The following DPP10 variants were observed in gnomAD, a reference collection of about 807,000 sequenced individuals.
DPP10 encodes the protein dipeptidyl peptidase like 10.
DPP10 carries 33 observed loss-of-function variants against 120.9 expected under a neutral mutation model. The observed-to-expected ratio is 0.27, with a 90% confidence interval of 0.21 to 0.37. DPP10 has a LOEUF of 0.37. Ranked by LOEUF, DPP10 falls within the 10% of genes least tolerant of loss-of-function variation. The pLI, the probability that DPP10 is intolerant of heterozygous loss-of-function variation, is 1.00. For missense variants in DPP10, 816 were observed against 942.8 expected, an observed-to-expected ratio of 0.87 and a Z score of 1.76; for synonymous variants, 337 against 326.1, an observed-to-expected ratio of 1.03 and a Z score of -0.36.
At position 114,686,802 on chromosome 2, in the gene DPP10, C is replaced by T. The variant is rs76825984; in HGVS notation, c.60+243964C>T. The stretch of plus-strand genomic sequence containing the variant: ...CAATGTACAATACATTCTTCCCATA[C>T]AAAAAATTACAAGAGTCGTTCTATT... On this transcript the variant is annotated intron_variant, in intron 1 of 25. Transcript: ENST00000410059. Among the ~76,000 whole-genome samples the T allele has an allele frequency of 6.3e-3, 950 of 151,984 alleles. 10 individuals carry two copies. Among genetic ancestry groups the T allele is most frequent in the African/African-American group, 0.022 (911 of 41,502 alleles).
At chr2:114,724,029 T>A (rs1558673285) in intron 1 of DPP10, among the ~76,000 whole-genome samples, 2 of 152,186 alleles carry the variant, frequency 1.3e-5, no homozygotes, top group African/African-American at 2.4e-5. Flanking sequence ...AAAGAAAATA[T>A]ATTTTTTAAA....
At chr2:114,742,899 C>A (rs956542931) in intron 1 of DPP10, among the ~76,000 whole-genome samples, 7 of 152,178 alleles carry the variant, frequency 4.6e-5, no homozygotes, top group African/African-American at 1.7e-4. Context: ...CATTTTTAAA[C>A]TGAAGTTTTA....
At chr2:115,541,189 T>G (rs1408406808) in intron 5 of DPP10, among the ~76,000 whole-genome samples, 1 of 151,938 alleles carries the variant, frequency 6.6e-6, no homozygotes, top group African/African-American at 2.4e-5. Context: ...AAATGAATTG[T>G]GGTATTTGTT....
At chr2:115,169,363 A>G (rs1043181056) in intron 1 of DPP10, among the ~76,000 whole-genome samples, 3 of 152,170 alleles carry the variant, frequency 2.0e-5, no homozygotes, top group African/African-American at 4.8e-5. Context: ...TTCTTTTACA[A>G]AAGTAAATTT....
chr2:115,474,323 C>G (rs1462271331), intron 3 of DPP10, among the ~76,000 whole-genome samples: 2 of 152,140 alleles, frequency 1.3e-5, no homozygotes, highest in African/African-American at 4.8e-5. Flanking sequence ...AGACACGAGT[C>G]CTCTGTCCTC....
chr2:115,769,831 G>A (rs1027503665), intron 13 of DPP10, among the ~76,000 whole-genome samples: 2 of 151,774 alleles, frequency 1.3e-5, no homozygotes, highest in Admixed American at 6.6e-5. Context: ...GAGTCAACTT[G>A]GTTATCACAA....
At chr2:114,753,518 TG>T (rs1679428945) in intron 1 of DPP10, among the ~76,000 whole-genome samples, 2 of 152,196 alleles carry the variant, frequency 1.3e-5, no homozygotes, top group Admixed American at 6.5e-5. Flanking sequence ...CTTCCTTCTC[TG>T]TCTTCCTTCA....
At chr2:115,007,521 C>CAGTGAG (rs1340103710) in intron 1 of DPP10, among the ~76,000 whole-genome samples, 1 of 150,256 alleles carries the variant, frequency 6.7e-6, no homozygotes, top group African/African-American at 2.4e-5. Context: ...TGGCACAAGA[C>CAGTGAG]AGGGATGCCC....
chr2:114,826,624 A>G (rs1686564489), intron 1 of DPP10, among the ~76,000 whole-genome samples: 2 of 152,072 alleles, frequency 1.3e-5, no homozygotes, highest in Non-Finnish European at 2.9e-5. Flanking sequence ...TCCGCCTCCC[A>G]GGTTCAAGTG....
intron 1 of DPP10, among the ~76,000 whole-genome samples, chr2:114,823,054 G>T (rs1390390337): frequency 1.3e-5 from 2 of 152,064 alleles, no homozygotes; most frequent in African/African-American, 4.8e-5. Context: ...ATGTTTTCAG[G>T]TATCTTTACA....
At chr2:115,233,881 T>C (rs1480649319) in intron 1 of DPP10, 1 of 505,842 alleles carries the variant, frequency 2.0e-6, no homozygotes, top group East Asian at 5.6e-5. Flanking sequence ...CCATTTCTGC[T>C]CACCTGTCTC....
At chr2:115,506,028 T>G (rs34140834) in intron 4 of DPP10, among the ~76,000 whole-genome samples, 4 of 151,684 alleles carry the variant, frequency 2.6e-5, no homozygotes, top group African/African-American at 9.7e-5. Context: ...GTTTTATTAC[T>G]TTATGATGGA....
intron 1 of DPP10, among the ~76,000 whole-genome samples, chr2:114,694,157 T>A (rs1481245366): frequency 6.6e-6 from 1 of 151,938 alleles, no homozygotes; most frequent in Non-Finnish European, 1.5e-5. Flanking sequence ...TGAACTTATT[T>A]TATTAATTTT....
intron 1 of DPP10, among the ~76,000 whole-genome samples, chr2:114,935,863 G>T (rs1002209534): frequency 6.8e-6 from 1 of 146,044 alleles, no homozygotes; most frequent in African/African-American, 2.5e-5. Flanking sequence ...AAAACTGAAG[G>T]TTTTTTTTTT....
At chr2:115,210,759 C>G (rs796430903) in intron 1 of DPP10, among the ~76,000 whole-genome samples, 8 of 152,236 alleles carry the variant, frequency 5.3e-5, no homozygotes, top group African/African-American at 1.9e-4. Context: ...TTGCATTTCT[C>G]TGATGGCCAG....
At chr2:115,235,652 C>T (rs562767882) in intron 1 of DPP10, among the ~76,000 whole-genome samples, 26 of 152,210 alleles carry the variant, frequency 1.7e-4, no homozygotes, top group African/African-American at 6.0e-4. Flanking sequence ...ACCTCCACCT[C>T]CCTGATTCAA....
intron 3 of DPP10, among the ~76,000 whole-genome samples, chr2:115,425,687 A>G (rs2070389917): frequency 6.6e-6 from 1 of 152,206 alleles, no homozygotes; most frequent in South Asian, 2.1e-4. Context: ...TGGTTGATTC[A>G]GTAATTGATA....
intron 1 of DPP10, among the ~76,000 whole-genome samples, chr2:114,592,633 G>A (rs1573741300): frequency 6.6e-6 from 1 of 151,276 alleles, no homozygotes; most frequent in South Asian, 2.1e-4. Context: ...AAGGAAAATA[G>A]CAACAAAACA....
chr2:114,947,500 C>A (rs1697456986), intron 1 of DPP10, among the ~76,000 whole-genome samples: 1 of 151,630 alleles, frequency 6.6e-6, no homozygotes, highest in Non-Finnish European at 1.5e-5. Context: ...GTTTATTTCC[C>A]TCAAATAAAA....
Sources: gnomAD v4.1 joint callset for allele counts (sites outside exome capture counted in the v4.1 genomes callset) on GRCh38, gnomAD v4.1.1 for gene constraint, MANE v1.5 for transcripts, NCBI Gene and HGNC (gene_info 2026-07-23, HGNC 2026-07-21) for gene names.